The following CSMD1 variants were observed in gnomAD, a reference collection of about 807,000 sequenced individuals.
CSMD1 encodes the protein CUB and Sushi multiple domains 1.
Under a neutral mutation model 417.5 loss-of-function variants are expected in CSMD1, and 213 were observed. That is an observed-to-expected ratio of 0.51 (90% CI 0.46 to 0.57). CSMD1 has a LOEUF of 0.57. CSMD1 is among the 20% of genes least tolerant of loss of function. The pLI is 0.00. For synonymous variants in CSMD1, 2,862 were observed against 1,736.8 expected (o/e 1.65, Z -16.11); for missense variants, 6,923 against 4,529.7 (o/e 1.53, Z -15.17).
At chr8:3,302,597 G>C (rs967299239) in intron 25 of CSMD1, among the ~76,000 whole-genome samples, 2 of 152,198 alleles carry the variant, frequency 1.3e-5, no homozygotes, top group African/African-American at 2.4e-5. Flanking sequence ...TGGGAGCAAA[G>C]AAGACAACAC....
rs141756960 is a variant in CSMD1, at chr8:3,599,596, T to C, written c.1098-13336A>G. Reference sequence around the variant, plus strand: ...CTGCATTATTAATCACAATACAGCATTGTTAATTAACCACTTCATGCTATA... The same window carrying C: ...CTGCATTATTAATCACAATACAGCACTGTTAATTAACCACTTCATGCTATA... On this transcript the variant is annotated intron_variant, in intron 8 of 69. Transcript: ENST00000635120. 6.1e-3 allele frequency among the ~76,000 whole-genome samples: 929 copies of C among 152,306 alleles called. 6 individuals carry two copies. Among genetic ancestry groups the C allele is most frequent in the African/African-American group, 0.021 (880 of 41,564 alleles).
At chr8:3,237,788 CTACAAG>C (rs1445036727) in intron 26 of CSMD1, among the ~76,000 whole-genome samples, 13 of 103,326 alleles carry the variant, frequency 1.3e-4, no homozygotes, top group African/African-American at 4.4e-4. Flanking sequence ...TATACTTATA[CTACAAG>C]TATAATTTTT....
Position 4,429,775 on chromosome 8 carries a change from T to C in CSMD1, c.303-9710A>G, listed in dbSNP as rs981031283. Among the ~76,000 whole-genome samples, 4 of 152,268 alleles carry C rather than the reference T, an allele frequency of 2.6e-5. No homozygotes were observed. In the Middle Eastern group the frequency reaches 0.014, roughly 518 times the overall value. ...TGAGATTCTAGAAGTGCTCCACCCG[T>C]ATTTGTTGAAATATACCGGCAATCC... On this transcript the variant is annotated intron_variant, in intron 2 of 69. Transcript: ENST00000635120.
intron 3 of CSMD1, among the ~76,000 whole-genome samples, chr8:4,090,340 T>C (rs924038810): frequency 2.6e-5 from 4 of 152,214 alleles, no homozygotes; most frequent in Non-Finnish European, 4.4e-5. Context: ...ACATGAGTCA[T>C]TATCTATCAT....
intron 1 of CSMD1, among the ~76,000 whole-genome samples, chr8:4,957,172 T>A (rs753003416): frequency 6.6e-6 from 1 of 152,214 alleles, no homozygotes; most frequent in Non-Finnish European, 1.5e-5. Flanking sequence ...TTGTGACAAC[T>A]GAAAAACACT....
intron 5 of CSMD1, among the ~76,000 whole-genome samples, chr8:3,938,891 A>G (rs185766354): frequency 6.6e-5 from 10 of 152,290 alleles, no homozygotes; most frequent in East Asian, 1.9e-4. Flanking sequence ...TGACAACTGT[A>G]TATCTATATG....
At chr8:3,852,272 T>G (rs566249806) in intron 5 of CSMD1, among the ~76,000 whole-genome samples, 1 of 152,076 alleles carries the variant, frequency 6.6e-6, no homozygotes, top group African/African-American at 2.4e-5. Flanking sequence ...CTGTAGGCAG[T>G]GGATGCAGCG....
At chr8:4,064,382 G>C (rs751947085) in intron 3 of CSMD1, among the ~76,000 whole-genome samples, 6 of 152,166 alleles carry the variant, frequency 3.9e-5, no homozygotes, top group Non-Finnish European at 7.4e-5. Flanking sequence ...TTCTGCAGTT[G>C]TTTTCTCCCT....
chr8:4,759,188 T>C (rs1459859780), intron 1 of CSMD1, among the ~76,000 whole-genome samples: 1 of 152,148 alleles, frequency 6.6e-6, no homozygotes, highest in Non-Finnish European at 1.5e-5. Context: ...CTTGTTAGTG[T>C]TGTCTTGACT....
chr8:3,364,280 TC>T (rs1809403656), intron 20 of CSMD1, among the ~76,000 whole-genome samples: 1 of 152,188 alleles, frequency 6.6e-6, no homozygotes, highest in African/African-American at 2.4e-5. Context: ...TACTTTAAAG[TC>T]GACTTTGAAA....
intron 3 of CSMD1, among the ~76,000 whole-genome samples, chr8:4,049,958 G>C (rs1488926525): frequency 2.0e-5 from 3 of 152,076 alleles, no homozygotes; most frequent in African/African-American, 4.8e-5. Flanking sequence ...TCCTCTTTAG[G>C]TGTCTCCTGG....
At chr8:4,541,013 G>A (rs910891027) in intron 2 of CSMD1, among the ~76,000 whole-genome samples, 5 of 152,166 alleles carry the variant, frequency 3.3e-5, no homozygotes, top group Admixed American at 2.0e-4. Context: ...CTCTTTAAAT[G>A]CCTCATTTTA....
intron 52 of CSMD1, among the ~76,000 whole-genome samples, chr8:3,005,226 G>A (rs1807781429): frequency 6.6e-6 from 1 of 152,130 alleles, no homozygotes; most frequent in South Asian, 2.1e-4. Context: ...TACCCTGGGT[G>A]GGACCCAGGA....
At chr8:3,897,764 T>G (rs576760415) in intron 5 of CSMD1, among the ~76,000 whole-genome samples, 2 of 152,202 alleles carry the variant, frequency 1.3e-5, no homozygotes, top group Admixed American at 6.5e-5. Context: ...CATTCTGTGA[T>G]ATCATTTGCT....
chr8:3,631,542 T>C (rs113704061), intron 7 of CSMD1, among the ~76,000 whole-genome samples: 80 of 152,174 alleles, frequency 5.3e-4, no homozygotes, highest in African/African-American at 1.7e-3. Flanking sequence ...TGTTCCAAAA[T>C]AGAAAGGTTT....
At chr8:4,916,163 T>A (rs1806055008) in intron 1 of CSMD1, among the ~76,000 whole-genome samples, 1 of 152,174 alleles carries the variant, frequency 6.6e-6, no homozygotes, top group African/African-American at 2.4e-5. Flanking sequence ...AATGTTTTTA[T>A]AAAAGAAAGT....
chr8:3,049,341 C>T (rs1426778010), intron 50 of CSMD1, among the ~76,000 whole-genome samples: 1 of 152,144 alleles, frequency 6.6e-6, no homozygotes, highest in Non-Finnish European at 1.5e-5. Flanking sequence ...CAGATGTTGT[C>T]TGTACGTAAA....
At chr8:4,567,520 G>C (rs1434548427) in intron 2 of CSMD1, among the ~76,000 whole-genome samples, 1 of 152,066 alleles carries the variant, frequency 6.6e-6, no homozygotes, top group African/African-American at 2.4e-5. Flanking sequence ...AGAAATCGCA[G>C]GTAGACTGTG....
intron 24 of CSMD1, 26 bp downstream of exon 24, chr8:3,308,283 CACA>C (rs1463715885): frequency 1.9e-6 from 3 of 1,571,626 alleles, no homozygotes; most frequent in Non-Finnish European, 2.6e-6. Context: ...CTGGCTTTTG[CACA>C]ATGGTATGAC....
Sources: allele counts gnomAD v4.1 joint callset (sites outside exome capture counted in the v4.1 genomes callset), GRCh38; gene constraint gnomAD v4.1.1; transcripts MANE v1.5; gene names NCBI Gene and HGNC (gene_info 2026-07-23, HGNC 2026-07-21).